POR: variants seen among roughly 807,000 people sequenced by gnomAD.
The protein encoded by POR is NADPH--cytochrome P450 reductase.
POR carries 56 observed loss-of-function variants against 84.0 expected under a neutral mutation model. The observed-to-expected ratio is 0.67, with a 90% CI of 0.54 to 0.83. The LOEUF (loss-of-function observed/expected upper bound fraction) is 0.83. POR is among the 40% of genes least tolerant of loss of function. The pLI, the probability that POR is intolerant of heterozygous loss-of-function variation, is 0.00. For missense variants in POR, 938 were observed against 944.3 expected, an observed-to-expected ratio of 0.99 and a Z score of 0.09; for synonymous variants, 414 against 400.5, an observed-to-expected ratio of 1.03 and a Z score of -0.40.
intron 1 of POR, among the ~76,000 whole-genome samples, chr7:75,927,432 G>GTACA (rs1807184083): frequency 6.6e-6 from 1 of 151,798 alleles, no homozygotes; most frequent in Non-Finnish European, 1.5e-5. Flanking sequence ...ACAGCAGCCT[G>GTACA]GCTGACAGAG....
chr7:75,948,503 G>A (rs1787277446), intron 1 of POR, among the ~76,000 whole-genome samples: 1 of 152,144 alleles, frequency 6.6e-6, no homozygotes, highest in Non-Finnish European at 1.5e-5. Flanking sequence ...TGTGAACTCC[G>A]GGAAGAGGCT....
intron 1 of POR, among the ~76,000 whole-genome samples, chr7:75,928,588 G>C (rs1554549832): frequency 6.6e-6 from 1 of 152,214 alleles, no homozygotes; most frequent in South Asian, 2.1e-4. Context: ...AATGACAAGA[G>C]AAAAAGCTGC....
chr7:75,941,479 A>G (rs1554551481), intron 1 of POR, among the ~76,000 whole-genome samples: 2 of 152,118 alleles, frequency 1.3e-5, no homozygotes, highest in African/African-American at 4.8e-5. Context: ...GACTCCCACA[A>G]CCAGAGCCTC....
Position 75,985,835 on chromosome 7 carries a change from G to T in POR, c.1655G>T (p.Trp552Leu), listed in dbSNP as rs782195488. Reference sequence around the variant, plus strand: ...ATAGGCTTCATCCAGGAGCGGGCCTGGCTGCGACAGCAGGGTGAGTGGGGT... The same window carrying T: ...ATAGGCTTCATCCAGGAGCGGGCCTTGCTGCGACAGCAGGGTGAGTGGGGT... Residue 552 changes from tryptophan to leucine, a missense_variant, in exon 13 of 16, where the codon TGG (tryptophan) becomes TTG (leucine). Physicochemically the swap from Trp to Leu is moderately conservative, Grantham distance 61. Transcript: ENST00000461988. 1 of 1,550,726 alleles carries T rather than the reference G, an allele frequency of 6.4e-7. No individual in the cohort carries two copies. Among genetic ancestry groups the T allele is most frequent in the Admixed American group, 1.9e-5 (1 of 52,676 alleles).
At chr7:75,962,432 C>T (rs1215079423) in intron 2 of POR, among the ~76,000 whole-genome samples, 1 of 152,132 alleles carries the variant, frequency 6.6e-6, no homozygotes, top group Non-Finnish European at 1.5e-5. Flanking sequence ...GTAGCTGGGG[C>T]TACGGGCATG....
At chr7:75,925,176 T>C (rs1807055434) in intron 1 of POR, among the ~76,000 whole-genome samples, 1 of 152,058 alleles carries the variant, frequency 6.6e-6, no homozygotes, top group African/African-American at 2.4e-5. Context: ...TGGGGTTACA[T>C]AGCAGTTATT....
intron 3 of POR, among the ~76,000 whole-genome samples, chr7:75,974,612 C>T (rs1788594199): frequency 6.7e-6 from 1 of 149,984 alleles, no homozygotes; most frequent in African/African-American, 2.5e-5. Flanking sequence ...CTGCAATCTC[C>T]ACCTCCCGGG....
intron 6 of POR, 89 bp downstream of exon 6, chr7:75,981,261 T>C: frequency 6.9e-7 from 1 of 1,451,302 alleles, no homozygotes; most frequent in Non-Finnish European, 9.1e-7. Flanking sequence ...TTGTGTCAGC[T>C]GAGACTCAGC....
intron 1 of POR, among the ~76,000 whole-genome samples, chr7:75,919,487 G>C (rs1227487944): frequency 6.6e-6 from 1 of 151,894 alleles, no homozygotes; most frequent in East Asian, 1.9e-4. Flanking sequence ...GGCTCCAGTT[G>C]GTTGGGTTCA....
At chr7:75,936,052 TAA>T (rs1354728759) in intron 1 of POR, among the ~76,000 whole-genome samples, 2 of 151,744 alleles carry the variant, frequency 1.3e-5, no homozygotes, top group Non-Finnish European at 2.9e-5. Flanking sequence ...TTCTTAGGAT[TAA>T]CTTTTCCAGT....
chr7:75,982,003 G>A, intron 7 of POR: 1 of 583,086 alleles, frequency 1.7e-6, no homozygotes, highest in Non-Finnish European at 3.1e-6. Flanking sequence ...CCCTGCCCCG[G>A]CTTCTGGGCG....
chr7:75,942,290 T>C (rs1002169258), intron 1 of POR, among the ~76,000 whole-genome samples: 1 of 152,186 alleles, frequency 6.6e-6, no homozygotes, highest in Non-Finnish European at 1.5e-5. Flanking sequence ...TTCCCAAACA[T>C]CAAAATCTGT....
intron 10 of POR, 78 bp downstream of exon 10, chr7:75,983,934 C>T: frequency 8.3e-7 from 1 of 1,202,446 alleles, no homozygotes; most frequent in Non-Finnish European, 1.2e-6. Context: ...CTGGGTTGAG[C>T]TTCTGCTTAG....
rs1244600071 is a variant in POR at position 75,922,878 on chromosome 7, G to C, written c.-5+7699G>C. ...CACTTTTGGCAAAGGAGGAGCAGAG[G>C]GAAGGAAAAGAGCTCAGGTTTAAAC... On this transcript the variant is annotated intron_variant, in intron 1 of 15. Coordinates refer to ENST00000461988, the MANE Select transcript of POR (RefSeq NM_000941.3). 3 of 594,568 alleles carry C rather than the reference G, an allele frequency of 5.0e-6. No homozygotes were observed. The Admixed American group carries it at 7.8e-5, about 16-fold the overall frequency. The allele number at this position is 594,568 out of a possible 1,614,324, so 36.8% of individuals were successfully genotyped here.
chr7:75,968,261 C>A, intron 2 of POR: 1 of 467,960 alleles, frequency 2.1e-6, no homozygotes, highest in Non-Finnish European at 4.4e-6. Flanking sequence ...ATGCGGCTGC[C>A]TGGAGTTAAC....
rs1554548192 is a variant in POR at position 75,917,404 on chromosome 7, G to C, written c.-5+2225G>C. Among the ~76,000 whole-genome samples the C allele has an allele frequency of 2.8e-5, 3 of 107,362 alleles. No homozygotes were observed. The South Asian group carries it at 8.5e-4, about 31-fold the overall frequency. The allele number at this position is 107,362 out of a possible 152,430, so 70.4% of individuals were successfully genotyped here. A position where few individuals can be genotyped will look rare whatever the true frequency, so the allele number is the denominator to read the frequency against. ...TCTTCTTTTTTTTTTTTTTTTTTCT[G>C]ATGGAAGCTCTTGAAGTTATAGGAC... is the stretch of plus-strand genomic sequence containing the variant. On this transcript the variant is annotated intron_variant, in intron 1 of 15. Coordinates refer to ENST00000461988, the MANE Select transcript of POR (RefSeq NM_000941.3).
chr7:75,967,238 A>G (rs889448459), intron 2 of POR, among the ~76,000 whole-genome samples: 5 of 152,096 alleles, frequency 3.3e-5, no homozygotes, highest in African/African-American at 1.2e-4. Flanking sequence ...GGCCTCCCAA[A>G]GTGCTGTACT....
In POR at chr7:75,984,774, C is replaced by T. The variant is rs75883903; in HGVS notation, c.1067-3C>T. 6.2e-7 allele frequency: 1 copy of T among 1,612,338 alleles called. No homozygotes were observed. Among genetic ancestry groups the T allele is most frequent in the East Asian group, 2.2e-5 (1 of 44,850 alleles). On this transcript the variant is annotated splice_polypyrimidine_tract_variant and splice_region_variant and intron_variant, in intron 10 of 15. Transcript: ENST00000461988. ...CCAAGTCCTGCCTGTCTCTTCCCTGCAGAGGAGTCCAACAAGAAGCACCCA... is the reference window on the plus strand; with the variant it reads ...CCAAGTCCTGCCTGTCTCTTCCCTGTAGAGGAGTCCAACAAGAAGCACCCA...
chr7:75,968,754 C>T (rs1788300616), intron 2 of POR, among the ~76,000 whole-genome samples: 1 of 152,232 alleles, frequency 6.6e-6, no homozygotes, highest in South Asian at 2.1e-4. Context: ...GAACCCTAGC[C>T]TTGGGGCAGA....
Sources: allele counts gnomAD v4.1 joint callset (sites outside exome capture counted in the v4.1 genomes callset), GRCh38; gene constraint gnomAD v4.1.1; transcripts MANE v1.5; gene names NCBI Gene and HGNC (gene_info 2026-07-23, HGNC 2026-07-21).